The following PFKFB1 variants were observed in gnomAD, a reference collection of about 807,000 sequenced individuals.
The protein encoded by PFKFB1 is 6-phosphofructo-2-kinase/fructose-2,6-bisphosphatase 1.
PFKFB1 carries 34 observed loss-of-function variants against 46.4 expected under a neutral mutation model. The observed-to-expected ratio is 0.73, with a 90% CI of 0.56 to 0.98. The LOEUF (loss-of-function observed/expected upper bound fraction) is 0.98. PFKFB1 is among the 50% of genes least tolerant of loss of function. The pLI, the probability that PFKFB1 is intolerant of heterozygous loss-of-function variation, is 0.00. For missense variants in PFKFB1, 393 were observed against 376.3 expected (o/e 1.04, Z -0.37); for synonymous variants, 119 against 133.8 (o/e 0.89, Z 0.76).
intron 1 of PFKFB1, among the ~76,000 whole-genome samples, chrX:54,984,015 G>T (rs913702223): frequency 2.7e-5 from 3 of 110,802 alleles, no homozygotes; most frequent in African/African-American, 9.8e-5. Flanking sequence ...TAATAGGGTT[G>T]TTTTTTTCTT....
chrX:54,997,963 A>G (rs1472095835), upstream of PFKFB1, among the ~76,000 whole-genome samples: 1 of 112,421 alleles, frequency 8.9e-6, no homozygotes, highest in African/African-American at 3.2e-5. Context: ...ACTCTTCTTG[A>G]TCGTGACAGC....
At chrX:54,967,160 C>A (rs1439184061) in intron 1 of PFKFB1, among the ~76,000 whole-genome samples, 1 of 111,888 alleles carries the variant, frequency 8.9e-6, no homozygotes, top group Non-Finnish European at 1.9e-5. Flanking sequence ...AATCTCAACA[C>A]AATACTCACA....
intron 10 of PFKFB1, among the ~76,000 whole-genome samples, chrX:54,938,238 T>C (rs1933476722): frequency 9.0e-6 from 1 of 111,485 alleles, no homozygotes; most frequent in African/African-American, 3.3e-5. Context: ...CTCACATAAA[T>C]CTGAGATGCT....
chrX:54,947,139 T>C (rs1375987600), intron 9 of PFKFB1, among the ~76,000 whole-genome samples: 3 of 111,709 alleles, frequency 2.7e-5, no homozygotes, highest in African/African-American at 9.8e-5. Context: ...TGGAATGTCA[T>C]TCTTGATCCT....
intron 12 of PFKFB1, among the ~76,000 whole-genome samples, chrX:54,934,654 A>G (rs998379094): frequency 8.9e-6 from 1 of 112,265 alleles, no homozygotes; most frequent in African/African-American, 3.2e-5. Context: ...GCCCTAACCT[A>G]TAATTTTCCT....
At chrX:54,939,934 CA>C (rs1488719550) in intron 10 of PFKFB1, among the ~76,000 whole-genome samples, 1 of 111,203 alleles carries the variant, frequency 9.0e-6, no homozygotes, top group African/African-American at 3.3e-5. Context: ...GGCAGAGACA[CA>C]AAAAAAGGAG....
At chrX:54,958,794 C>A (rs1657281469) in intron 5 of PFKFB1, 57 bp downstream of exon 5, 1 of 843,319 alleles carries the variant, frequency 1.2e-6, no homozygotes, top group Non-Finnish European at 1.7e-6. Context: ...GTTTGCCTTT[C>A]TTTGGGGTTT....
chrX:54,955,291 G>GT (rs1934101101), intron 7 of PFKFB1, among the ~76,000 whole-genome samples: 1 of 111,449 alleles, frequency 9.0e-6, no homozygotes, highest in Non-Finnish European at 1.9e-5. Context: ...TGGTACTTCA[G>GT]TTGGGTAAGG....
At chrX:54,976,206 C>T (rs1248194151) in intron 1 of PFKFB1, among the ~76,000 whole-genome samples, 3 of 110,204 alleles carry the variant, frequency 2.7e-5, no homozygotes, top group African/African-American at 9.9e-5. Flanking sequence ...TGAAAAATGC[C>T]ACAGAATGAA....
At chrX:54,944,101 G>T (rs1933734600) in intron 10 of PFKFB1, among the ~76,000 whole-genome samples, 1 of 111,425 alleles carries the variant, frequency 9.0e-6, no homozygotes, top group Non-Finnish European at 1.9e-5. Context: ...AAATGTTAAG[G>T]ATTCAAGTTG....
At chrX:54,955,957 G>A (rs1269086089) in intron 7 of PFKFB1, among the ~76,000 whole-genome samples, 196 bp downstream of exon 7, 2 of 112,043 alleles carry the variant, frequency 1.8e-5, no homozygotes, top group Non-Finnish European at 3.8e-5. Flanking sequence ...CACTATTTTA[G>A]TCATCTTAGG....
intron 9 of PFKFB1, among the ~76,000 whole-genome samples, chrX:54,947,972 G>T (rs747649132): frequency 1.9e-5 from 2 of 107,785 alleles, no homozygotes; most frequent in Admixed American, 1.0e-4. Flanking sequence ...ACTCAGGCTG[G>T]AGTGCAGTGG....
At chrX:54,968,472 A>T (rs977186475) in intron 1 of PFKFB1, among the ~76,000 whole-genome samples, 1 of 109,829 alleles carries the variant, frequency 9.1e-6, no homozygotes, top group Non-Finnish European at 1.9e-5. Flanking sequence ...AAAGTATAAT[A>T]AAAAAAAAGA....
At chrX:54,954,051 T>G (rs200715469) in intron 7 of PFKFB1, among the ~76,000 whole-genome samples, 1 of 111,720 alleles carries the variant, frequency 9.0e-6, no homozygotes, top group East Asian at 2.8e-4. Flanking sequence ...ATGCCTACCC[T>G]CATCCAAACT....
chrX:54,965,624 A>G (rs1164980385), intron 1 of PFKFB1, among the ~76,000 whole-genome samples: 1 of 111,750 alleles, frequency 8.9e-6, no homozygotes, highest in Non-Finnish European at 1.9e-5. Flanking sequence ...TTAAAGGAAG[A>G]GTGTTGCAAA....
chrX:54,986,228 G>T (rs1204978922), intron 1 of PFKFB1, among the ~76,000 whole-genome samples: 1 of 112,084 alleles, frequency 8.9e-6, no homozygotes, highest in African/African-American at 3.2e-5. Context: ...AAGGTGGGAG[G>T]ATCCCTTGAG....
chrX:54,936,209 T>C (rs964201474), intron 11 of PFKFB1, among the ~76,000 whole-genome samples: 2 of 111,341 alleles, frequency 1.8e-5, no homozygotes, highest in African/African-American at 6.5e-5. Flanking sequence ...ACTAATGACC[T>C]TGGCCCGGGC....
chrX:54,935,394 GT>G (rs1933355517), intron 11 of PFKFB1, among the ~76,000 whole-genome samples: 1 of 111,927 alleles, frequency 8.9e-6, no homozygotes, highest in South Asian at 3.8e-4. Context: ...GTCAGCAAGT[GT>G]TTTTTGAGAC....
rs763904042 is a variant in PFKFB1, at chrX:54,956,225, A to G, written c.566T>C (p.Val189Ala). Residue 189 changes from valine to alanine, a missense_variant, in exon 7 of 14, where the codon GTT becomes GCT. Coordinates refer to ENST00000375006, the MANE Select transcript of PFKFB1 (RefSeq NM_002625.4). The stretch of plus-strand genomic sequence containing the variant: ...AATTCTCTTTAGAAAGTCTTCCAGA[A>G]CCTTTTCCCGGTCACAGTCTATATA... ...PDYIDCDREK[V>A]LEDFLKRIEC... 3 of 1,211,296 alleles carry G rather than the reference A, an allele frequency of 2.5e-6. No homozygotes were observed. The East Asian group carries it at 8.9e-5, about 36-fold the overall frequency.
Sources: allele counts gnomAD v4.1 joint callset (sites outside exome capture counted in the v4.1 genomes callset), GRCh38; gene constraint gnomAD v4.1.1; transcripts MANE v1.5; gene names NCBI Gene and HGNC (gene_info 2026-07-23, HGNC 2026-07-21).